Variants in PPP2R2B observed in about 807,000 individuals in gnomAD.
PPP2R2B encodes protein phosphatase 2 regulatory subunit Bbeta.
A neutral mutation model predicts 46.0 loss-of-function variants in PPP2R2B; 5 were observed. The observed-to-expected ratio is 0.11, with a 90% CI of 0.06 to 0.23. The LOEUF (loss-of-function observed/expected upper bound fraction) is 0.23. Ranked by LOEUF, PPP2R2B falls within the 10% of genes least tolerant of loss-of-function variation. The probability of loss-of-function intolerance (pLI) is 1.00; values close to 1 mark genes in which losing one functional copy is unlikely to be tolerated. For synonymous variants in PPP2R2B, 215 were observed against 206.7 expected (o/e 1.04, Z -0.34); for missense variants, 367 against 575.0 (o/e 0.64, Z 3.70).
chr5:146,583,953 G>C lies in PPP2R2B; in HGVS notation c.*5994C>G, dbSNP rs1329218664. 6.6e-6 allele frequency: 1 copy of C among 152,162 alleles called. No individual in the cohort carries two copies. Among genetic ancestry groups the C allele is most frequent in the Non-Finnish European group, 1.5e-5 (1 of 68,026 alleles). 9.4% of individuals were successfully genotyped at this position (152,162 alleles called of 1,614,324 possible). A position where few individuals can be genotyped will look rare whatever the true frequency, so the allele number is the denominator to read the frequency against. ...GTTTCTGTCAAATATGAGTTATGAA[G>C]AAGTGTCCTCTCCACTCTTTCTCAA... is the stretch of plus-strand genomic sequence containing the variant. On this transcript the variant is annotated 3_prime_UTR_variant, in exon 10 of 10. Transcript: ENST00000394411.
intron 2 of PPP2R2B, among the ~76,000 whole-genome samples, chr5:146,804,844 G>A (rs1757079742): frequency 1.3e-5 from 2 of 152,196 alleles, no homozygotes; most frequent in Non-Finnish European, 2.9e-5. Context: ...ACTCCATGAT[G>A]AGTCCTGGAG....
chr5:147,068,942 A>T (rs1400817391), intron 2 of PPP2R2B, among the ~76,000 whole-genome samples: 1 of 152,226 alleles, frequency 6.6e-6, no homozygotes, highest in Non-Finnish European at 1.5e-5. Context: ...TAATCAGAAA[A>T]ATCACTCATG....
At chr5:146,624,784 G>T (rs1034131539) in intron 7 of PPP2R2B, among the ~76,000 whole-genome samples, 1 of 152,146 alleles carries the variant, frequency 6.6e-6, no homozygotes, top group Non-Finnish European at 1.5e-5. Context: ...GTGGTGCAAG[G>T]GGACTGCCCT....
At chr5:146,593,955 G>A (rs1222959828) in intron 8 of PPP2R2B, among the ~76,000 whole-genome samples, 3 of 152,194 alleles carry the variant, frequency 2.0e-5, no homozygotes, top group Admixed American at 1.3e-4. Flanking sequence ...CAGGGCATGA[G>A]CAGTGATGGG....
At chr5:146,674,619 G>A (rs1358335440) in intron 5 of PPP2R2B, among the ~76,000 whole-genome samples, 1 of 152,074 alleles carries the variant, frequency 6.6e-6, no homozygotes, top group Non-Finnish European at 1.5e-5. Context: ...TTGTAATTTT[G>A]AGAATATGCT....
chr5:146,959,377 A>G (rs1752068013), intron 1 of PPP2R2B, among the ~76,000 whole-genome samples: 2 of 152,168 alleles, frequency 1.3e-5, no homozygotes, highest in Non-Finnish European at 2.9e-5. Context: ...ACAGTCTGGT[A>G]GAGACTCAGA....
At chr5:146,795,670 C>G (rs1756485714) in intron 2 of PPP2R2B, among the ~76,000 whole-genome samples, 1 of 152,040 alleles carries the variant, frequency 6.6e-6, no homozygotes, top group African/African-American at 2.4e-5. Context: ...TAAAACAAAA[C>G]AGAAAAAACC....
At chr5:146,631,858 C>T (rs1017962658) in intron 7 of PPP2R2B, among the ~76,000 whole-genome samples, 13 of 152,118 alleles carry the variant, frequency 8.5e-5, no homozygotes, top group African/African-American at 3.1e-4. Flanking sequence ...TCATTGTGTG[C>T]TTCCAATGTG....
intron 2 of PPP2R2B, among the ~76,000 whole-genome samples, chr5:146,730,478 G>A (rs1752159575): frequency 6.6e-6 from 1 of 152,104 alleles, no homozygotes; most frequent in South Asian, 2.1e-4. Context: ...GGGGCCAAGG[G>A]CAGAATGATA....
intron 2 of PPP2R2B, among the ~76,000 whole-genome samples, chr5:146,793,186 C>T (rs1418283127): frequency 6.6e-6 from 1 of 152,070 alleles, no homozygotes; most frequent in East Asian, 1.9e-4. Flanking sequence ...GGTTTTTGGC[C>T]TGAAGAACTA....
intron 2 of PPP2R2B, among the ~76,000 whole-genome samples, chr5:146,857,234 C>T (rs1413887091): frequency 6.6e-6 from 1 of 152,032 alleles, no homozygotes; most frequent in African/African-American, 2.4e-5. Context: ...TTAGAAATGG[C>T]CCCATTTCTC....
chr5:146,616,673 T>C (rs1326128817), intron 7 of PPP2R2B, among the ~76,000 whole-genome samples: 2 of 152,132 alleles, frequency 1.3e-5, no homozygotes, highest in Non-Finnish European at 2.9e-5. Context: ...AAAACTACAA[T>C]TAGATATCAT....
rs1286374892 is a variant in PPP2R2B at position 146,877,985 on chromosome 5, G to A, written c.70+17C>T. 1.0e-5 allele frequency: 16 copies of A among 1,605,674 alleles called. No homozygotes were observed. Among genetic ancestry groups the A allele is most frequent in the Non-Finnish European group, 1.4e-5 (16 of 1,174,594 alleles). ...GCGCCCGGCCCCAACGGCGGAATGC[G>A]GCGGGGCTGGCGTTACCTTCGGTCG... is the stretch of plus-strand genomic sequence containing the variant. On this transcript the variant is annotated intron_variant, in intron 2 of 9. Coordinates refer to ENST00000394411, the MANE Select transcript of PPP2R2B (RefSeq NM_181675.4).
chr5:146,840,299 A>G (rs1759553203), intron 2 of PPP2R2B, among the ~76,000 whole-genome samples: 1 of 152,226 alleles, frequency 6.6e-6, no homozygotes, highest in Non-Finnish European at 1.5e-5. Context: ...CTTAAAGTCC[A>G]AGTAAGTTAA....
At chr5:147,069,845 C>T (rs188769604) in intron 2 of PPP2R2B, among the ~76,000 whole-genome samples, 7 of 118,752 alleles carry the variant, frequency 5.9e-5, no homozygotes, top group Non-Finnish European at 9.7e-5. Flanking sequence ...GGCTGGAGTA[C>T]AGTGACACAA....
chr5:146,793,488 G>A (rs1756339786), intron 2 of PPP2R2B, among the ~76,000 whole-genome samples: 1 of 152,156 alleles, frequency 6.6e-6, no homozygotes, highest in African/African-American at 2.4e-5. Flanking sequence ...ATTCATTTAA[G>A]TCACTTATTT....
At chr5:147,079,055 A>C (rs1381567398) in intron 2 of PPP2R2B, among the ~76,000 whole-genome samples, 1 of 152,040 alleles carries the variant, frequency 6.6e-6, no homozygotes, top group Non-Finnish European at 1.5e-5. Flanking sequence ...TGTAGAAGAC[A>C]CTCAAAAATC....
Position 146,582,473 on chromosome 5 carries a change from A to G in PPP2R2B, c.*7474T>C, listed in dbSNP as rs940236959. ...ATATGCTCTATTAACTAACACTGCA[A>G]TCTAAGCTTGATCACTTGCTTTTAA... is the stretch of plus-strand genomic sequence containing the variant. On this transcript the variant is annotated 3_prime_UTR_variant, in exon 10 of 10. Transcript: ENST00000394411. 1.3e-5 allele frequency: 2 copies of G among 152,234 alleles called. No individual in the cohort carries two copies. The highest frequency in any genetic ancestry group is 2.4e-5 in the African/African-American group (1 of 41,452). 9.4% of individuals were successfully genotyped at this position (152,234 alleles called of 1,614,324 possible). A position where few individuals can be genotyped will look rare whatever the true frequency, so the allele number is the denominator to read the frequency against.
intron 4 of PPP2R2B, among the ~76,000 whole-genome samples, chr5:146,696,628 G>T (rs1216312968): frequency 6.6e-6 from 1 of 152,156 alleles, no homozygotes; most frequent in African/African-American, 2.4e-5. Flanking sequence ...ATGTGGTTTG[G>T]CTTCCAAGAA....
Sources: gnomAD v4.1 joint callset for allele counts (sites outside exome capture counted in the v4.1 genomes callset) on GRCh38, gnomAD v4.1.1 for gene constraint, MANE v1.5 for transcripts, NCBI Gene and HGNC (gene_info 2026-07-23, HGNC 2026-07-21) for gene names.